Variants in RPS6KC1 observed in about 807,000 individuals in gnomAD.
The protein encoded by RPS6KC1 is inactive ribosomal protein S6 kinase delta-1.
Under a neutral mutation model 103.8 loss-of-function variants are expected in RPS6KC1, and 54 were observed. The observed-to-expected ratio is 0.52, with a 90% confidence interval of 0.42 to 0.65. RPS6KC1 has a LOEUF of 0.65. RPS6KC1 is among the 30% of genes least tolerant of loss of function. The pLI is 0.00. For synonymous variants in RPS6KC1, 439 were observed against 438.7 expected, an observed-to-expected ratio of 1.00 and a Z score of -0.01; for missense variants, 1,151 against 1,253.8, an observed-to-expected ratio of 0.92 and a Z score of 1.24.
At chr1:213,816,081 T>TTATG in the RPS6KC1 span, among the ~76,000 whole-genome samples, 1 of 152,208 alleles carries the variant, frequency 6.6e-6, no homozygotes, top group East Asian at 1.9e-4. Context: ...CATTTATTGA[T>TTATG]TATGTTCGCT....
chr1:213,629,792 C>G, the RPS6KC1 span, among the ~76,000 whole-genome samples: 1 of 152,160 alleles, frequency 6.6e-6, no homozygotes, highest in Admixed American at 6.5e-5. Context: ...GTGACAAAAT[C>G]TCTCAGCATT....
At chr1:213,453,469 A>C in the RPS6KC1 span, among the ~76,000 whole-genome samples, 15 of 152,122 alleles carry the variant, frequency 9.9e-5, no homozygotes, top group African/African-American at 2.4e-4. Flanking sequence ...ATCTCACCTG[A>C]GACCTGAAAA....
At chr1:213,704,524 T>A in the RPS6KC1 span, among the ~76,000 whole-genome samples, 1 of 152,168 alleles carries the variant, frequency 6.6e-6, no homozygotes, top group Admixed American at 6.6e-5. Context: ...AATTCTGAAT[T>A]CCTTTTCTGT....
At chr1:213,799,888 T>G in the RPS6KC1 span, among the ~76,000 whole-genome samples, 1 of 152,116 alleles carries the variant, frequency 6.6e-6, no homozygotes. Flanking sequence ...TGACATTCTT[T>G]TTTTTCCCTC....
At chr1:213,803,145 G>A in the RPS6KC1 span, among the ~76,000 whole-genome samples, 6 of 150,998 alleles carry the variant, frequency 4.0e-5, no homozygotes. Flanking sequence ...GATTCTATAT[G>A]ACTAAACATC....
chr1:213,769,654 A>G, the RPS6KC1 span, among the ~76,000 whole-genome samples: 37 of 152,274 alleles, frequency 2.4e-4, no homozygotes, highest in Admixed American at 2.0e-3. Flanking sequence ...AGTGTCAGCA[A>G]GAGGAGAAGT....
chr1:213,658,302 G>A, the RPS6KC1 span, among the ~76,000 whole-genome samples: 12 of 152,226 alleles, frequency 7.9e-5, no homozygotes, highest in Non-Finnish European at 1.8e-4. Context: ...CTGATCCTGA[G>A]ATCCGGAGAG....
At chr1:213,696,526 A>G in the RPS6KC1 span, among the ~76,000 whole-genome samples, 9 of 125,406 alleles carry the variant, frequency 7.2e-5, no homozygotes, top group African/African-American at 1.0e-4. Flanking sequence ...AAAAAAAAAA[A>G]AAAGAAAAAA....
At chr1:213,783,815 C>CAAAAAAAAAAAA in the RPS6KC1 span, among the ~76,000 whole-genome samples, 76 of 65,992 alleles carry the variant, frequency 1.2e-3, no homozygotes, top group Middle Eastern at 0.011. Flanking sequence ...AAGATGTTGC[C>CAAAAAAAAAAAA]AAAAAAAAAA....
the RPS6KC1 span, among the ~76,000 whole-genome samples, chr1:213,807,977 T>C: frequency 1.3e-5 from 2 of 152,198 alleles, no homozygotes; most frequent in African/African-American, 4.8e-5. Context: ...TTTCTGTTTG[T>C]TAGTTTTCCT....
chr1:213,314,708 C>T, the RPS6KC1 span, among the ~76,000 whole-genome samples: 5 of 144,702 alleles, frequency 3.5e-5, no homozygotes, highest in Non-Finnish European at 7.5e-5. Context: ...AATGAAAATA[C>T]TTTGGGGGAA....
At chr1:213,068,659 T>C (rs1260024943) in intron 1 of RPS6KC1, among the ~76,000 whole-genome samples, 1 of 152,002 alleles carries the variant, frequency 6.6e-6, no homozygotes, top group African/African-American at 2.4e-5. Context: ...TTATAGTCTC[T>C]TATACTGAAT....
intron 3 of RPS6KC1, among the ~76,000 whole-genome samples, chr1:213,085,367 C>T (rs1238264311): frequency 6.6e-6 from 1 of 152,200 alleles, no homozygotes; most frequent in African/African-American, 2.4e-5. Context: ...GATCCTTCAT[C>T]ATATCTGCAA....
At chr1:213,052,566 GTTTC>G (rs2077037505) in intron 1 of RPS6KC1, among the ~76,000 whole-genome samples, 1 of 151,622 alleles carries the variant, frequency 6.6e-6, no homozygotes, top group East Asian at 1.9e-4. Flanking sequence ...TTGAGACGGA[GTTTC>G]GCTCTTGTTG....
the RPS6KC1 span, among the ~76,000 whole-genome samples, chr1:213,805,596 A>T: frequency 6.6e-6 from 1 of 152,210 alleles, no homozygotes; most frequent in Non-Finnish European, 1.5e-5. Context: ...TGCTATTTCC[A>T]CTACATCTGC....
At chr1:213,468,900 C>T in the RPS6KC1 span, among the ~76,000 whole-genome samples, 1 of 152,166 alleles carries the variant, frequency 6.6e-6, no homozygotes, top group South Asian at 2.1e-4. Flanking sequence ...CCTGGGCCTT[C>T]ATATGCTTGA....
intron 8 of RPS6KC1, among the ~76,000 whole-genome samples, chr1:213,187,889 A>G (rs2092599146): frequency 6.6e-6 from 1 of 152,052 alleles, no homozygotes; most frequent in Admixed American, 6.5e-5. Flanking sequence ...ACATCTAGGT[A>G]ACTGCCTCTT....
At chr1:213,346,783 T>A in the RPS6KC1 span, among the ~76,000 whole-genome samples, 3 of 152,210 alleles carry the variant, frequency 2.0e-5, no homozygotes, top group Non-Finnish European at 4.4e-5. Flanking sequence ...ACTCTTATGC[T>A]TCTTTCTTAT....
the RPS6KC1 span, among the ~76,000 whole-genome samples, chr1:213,579,981 C>T: frequency 1.1e-4 from 17 of 152,102 alleles, no homozygotes; most frequent in Non-Finnish European, 1.3e-4. Flanking sequence ...GCTAACACAA[C>T]ATCCATTCTA....
Sources: gnomAD v4.1 joint callset for allele counts (sites outside exome capture counted in the v4.1 genomes callset) on GRCh38, gnomAD v4.1.1 for gene constraint, MANE v1.5 for transcripts, NCBI Gene and HGNC (gene_info 2026-07-23, HGNC 2026-07-21) for gene names.